The following CTDSP2 variants were observed in gnomAD, a reference collection of about 807,000 sequenced individuals.
CTDSP2 encodes the protein carboxy-terminal domain RNA polymerase II polypeptide A small phosphatase 2.
Under a neutral mutation model 31.6 loss-of-function variants are expected in CTDSP2, and 9 were observed. The observed-to-expected ratio is 0.28, with a 90% CI of 0.17 to 0.50. The LOEUF (loss-of-function observed/expected upper bound fraction) is 0.50, where lower values mean the gene tolerates loss of function less well. Ranked by LOEUF, CTDSP2 falls within the 20% of genes least tolerant of loss-of-function variation. CTDSP2 has a pLI of 0.98. For missense variants in CTDSP2, 267 were observed against 348.5 expected (o/e 0.77, Z 1.86); for synonymous variants, 134 against 134.5 (o/e 1.00, Z 0.03).
chr12:57,824,759 T>C (rs1565843897), intron 5 of CTDSP2: 8 of 501,828 alleles, frequency 1.6e-5, no homozygotes, highest in Non-Finnish European at 3.3e-5. Flanking sequence ...AGGTAATGAA[T>C]TGCACCAGGG....
Position 57,827,547 on chromosome 12 carries a change from CGTACCTGGTAGAACTG to C in CTDSP2, c.241_252+4del. 1 of 1,613,926 alleles carries C rather than the reference CGTACCTGGTAGAACTG, an allele frequency of 6.2e-7. No homozygotes were observed. The highest frequency in any genetic ancestry group is 8.5e-7 in the Non-Finnish European group (1 of 1,179,894). ...CTGAGTACTTACCAGGCCAGAGTCA[CGTACCTGGTAGAACTG>C]GTACTGGAGACACTGGAGCAGATCC... On this transcript the variant is annotated splice_donor_variant and splice_donor_region_variant and coding_sequence_variant and intron_variant, in exon 3 of 8. Coordinates refer to ENST00000398073, the MANE Select transcript of CTDSP2 (RefSeq NM_005730.4). LOFTEE classifies it high-confidence loss of function.
At chr12:57,840,944 A>G (rs1956279154) in intron 1 of CTDSP2, among the ~76,000 whole-genome samples, 1 of 152,200 alleles carries the variant, frequency 6.6e-6, no homozygotes, top group Admixed American at 6.5e-5. Flanking sequence ...TGGTGCAGGC[A>G]TACTCAGACC....
chr12:57,827,314 C>G, intron 3 of CTDSP2: 1 of 628,362 alleles, frequency 1.6e-6, no homozygotes. Flanking sequence ...AGGTGGTGGC[C>G]AGGGCAGGTG....
chr12:57,830,202 G>A (rs1956206467), intron 1 of CTDSP2, among the ~76,000 whole-genome samples: 1 of 152,092 alleles, frequency 6.6e-6, no homozygotes, highest in Admixed American at 6.6e-5. Context: ...TGGCTAACAC[G>A]GTGAAACCCT....
rs1427068310 is a variant in CTDSP2 at position 57,823,596 on chromosome 12, G to A, written c.*6C>T. ...TGGGATGGCCGTCGCTTGGAAGCAG[G>A]GCAGGCTAAGGGGCCCGCAGCTGCC... On this transcript the variant is annotated 3_prime_UTR_variant, in exon 8 of 8. Coordinates refer to ENST00000398073, the MANE Select transcript of CTDSP2 (RefSeq NM_005730.4). The A allele has an allele frequency of 1.2e-6, 2 of 1,613,542 alleles. No individual in the cohort carries two copies. Among genetic ancestry groups the A allele is most frequent in the Non-Finnish European group, 1.7e-6 (2 of 1,179,924 alleles).
At position 57,824,450 on chromosome 12, in the gene CTDSP2, T is replaced by C. The variant is rs1189937869; in HGVS notation, c.412-131A>G. ...AGCCCAGCCTCCTGGGCTACCTGGC[T>C]GGAAGCCTGCGGCCCCCTGAGACCC... On this transcript the variant is annotated intron_variant, in intron 5 of 7. Transcript: ENST00000398073. 7 of 744,522 alleles carry C rather than the reference T, an allele frequency of 9.4e-6. No individual in the cohort carries two copies. The African/African-American group carries it at 1.2e-4, about 13-fold the overall frequency. The allele number at this position is 744,522 out of a possible 1,614,324, so 46.1% of individuals were successfully genotyped here. A position where few individuals can be genotyped will look rare whatever the true frequency, so the allele number is the denominator to read the frequency against.
intron 1 of CTDSP2, among the ~76,000 whole-genome samples, chr12:57,837,672 C>T (rs913349381): frequency 2.6e-5 from 4 of 151,994 alleles, no homozygotes; most frequent in Admixed American, 2.6e-4. Flanking sequence ...GCCTGGGGGA[C>T]AGAGCAAAAC....
At chr12:57,827,828 G>A (rs192873279) in intron 2 of CTDSP2, among the ~76,000 whole-genome samples, 13 of 152,240 alleles carry the variant, frequency 8.5e-5, no homozygotes, top group Non-Finnish European at 1.5e-4. Flanking sequence ...CCCTGTTCTC[G>A]GCTGCCACTG....
Position 57,823,891 on chromosome 12 carries a change from C to G in CTDSP2, c.690+13G>C, listed in dbSNP as rs748413501. On this transcript the variant is annotated intron_variant, in intron 7 of 7. Transcript: ENST00000398073. ...CCCAATCCCTACCGTGGAGACGCATCAGGAGCACTCACTGCATTCTCGGGG... is the reference window on the plus strand; with the variant it reads ...CCCAATCCCTACCGTGGAGACGCATGAGGAGCACTCACTGCATTCTCGGGG... 2 of 1,613,752 alleles carry G rather than the reference C, an allele frequency of 1.2e-6. No individual in the cohort carries two copies. The highest frequency in any genetic ancestry group is 1.7e-6 in the Non-Finnish European group (2 of 1,179,872).
At position 57,823,438 on chromosome 12, in the gene CTDSP2, G is replaced by T; in HGVS notation, c.*164C>A. On this transcript the variant is annotated 3_prime_UTR_variant, in exon 8 of 8. Coordinates refer to ENST00000398073, the MANE Select transcript of CTDSP2 (RefSeq NM_005730.4). ...TCTGGGTATCATTGGTCTGGCATTCGCCCACTCGGCATCTAAGCTGTCCTA... is the reference window on the plus strand; with the variant it reads ...TCTGGGTATCATTGGTCTGGCATTCTCCCACTCGGCATCTAAGCTGTCCTA... 1.4e-6 allele frequency: 1 copy of T among 731,936 alleles called. No homozygotes were observed. The highest frequency in any genetic ancestry group is 2.2e-6 in the Non-Finnish European group (1 of 453,526). 45.3% of individuals were successfully genotyped at this position (731,936 alleles called of 1,614,324 possible). A position where few individuals can be genotyped will look rare whatever the true frequency, so the allele number is the denominator to read the frequency against.
At chr12:57,835,258 G>A (rs1446619858) in intron 1 of CTDSP2, among the ~76,000 whole-genome samples, 1 of 151,634 alleles carries the variant, frequency 6.6e-6, no homozygotes. Context: ...AACCCAGAAG[G>A]CGGAGGCTGC....
intron 1 of CTDSP2, among the ~76,000 whole-genome samples, chr12:57,843,067 A>T (rs1956292594): frequency 6.6e-6 from 1 of 152,208 alleles, no homozygotes; most frequent in South Asian, 2.1e-4. Flanking sequence ...CCAGGGCATC[A>T]TCGAGAGGAA....
intron 1 of CTDSP2, among the ~76,000 whole-genome samples, chr12:57,843,781 T>TTTTTTGTTTTTTGTTTG (rs1956296533): frequency 6.6e-6 from 1 of 152,192 alleles, no homozygotes; most frequent in African/African-American, 2.4e-5. Flanking sequence ...TTGTTTTTTG[T>TTTTTTGTTTTTTGTTTG]TTTGTTTTGA....
intron 1 of CTDSP2, among the ~76,000 whole-genome samples, chr12:57,836,795 G>A (rs1182204936): frequency 1.3e-5 from 2 of 152,202 alleles, no homozygotes; most frequent in African/African-American, 4.8e-5. Flanking sequence ...TTGTGTCCCA[G>A]CAAAGGAACT....
Position 57,823,297 on chromosome 12 carries a change from GCTTCTCCCCCACT to G in CTDSP2, c.*292_*304del. 2.5e-6 allele frequency: 1 copy of G among 397,914 alleles called. No homozygotes were observed. Among genetic ancestry groups the G allele is most frequent in the Non-Finnish European group, 4.7e-6 (1 of 211,376 alleles). 24.6% of individuals were successfully genotyped at this position (397,914 alleles called of 1,614,324 possible). A position where few individuals can be genotyped will look rare whatever the true frequency, so the allele number is the denominator to read the frequency against. ...ACTTGGGAAGAGTCTTGGTCTTTCAGCTTCTCCCCCACTGAAACACTATACACTGGGGCCACAG... is the reference window on the plus strand; with the variant it reads ...ACTTGGGAAGAGTCTTGGTCTTTCAGGAAACACTATACACTGGGGCCACAG... On this transcript the variant is annotated 3_prime_UTR_variant, in exon 8 of 8. Transcript: ENST00000398073.
intron 1 of CTDSP2, among the ~76,000 whole-genome samples, chr12:57,832,599 C>T (rs1217305532): frequency 6.6e-6 from 1 of 151,962 alleles, no homozygotes; most frequent in Admixed American, 6.6e-5. Context: ...CGAGACCAGC[C>T]TGGCCAACAT....
chr12:57,832,187 T>C (rs1158566402), intron 1 of CTDSP2, among the ~76,000 whole-genome samples: 1 of 152,232 alleles, frequency 6.6e-6, no homozygotes, highest in East Asian at 1.9e-4. Flanking sequence ...TTCCTTAACA[T>C]TGGTATGGCC....
At chr12:57,840,916 C>T (rs960837613) in intron 1 of CTDSP2, among the ~76,000 whole-genome samples, 4 of 152,118 alleles carry the variant, frequency 2.6e-5, no homozygotes, top group African/African-American at 9.7e-5. Context: ...CACTGGAGTA[C>T]CCTGTGATAA....
rs1400121293 is a variant in CTDSP2 at position 57,823,796 on chromosome 12, G to C, written c.691-69C>G. 3.7e-6 allele frequency: 6 copies of C among 1,610,480 alleles called. 1 individual carries two copies. Among genetic ancestry groups the C allele is most frequent in the Non-Finnish European group, 5.1e-6 (6 of 1,179,088 alleles). ...CCCCCTCCCTCGCCCCAGAGCCCTA[G>C]AGGGTGGCTGGGTCTTCCTGGAGGG... On this transcript the variant is annotated intron_variant, in intron 7 of 7. Coordinates refer to ENST00000398073, the MANE Select transcript of CTDSP2 (RefSeq NM_005730.4).
Sources: gnomAD v4.1 joint callset for allele counts (sites outside exome capture counted in the v4.1 genomes callset) on GRCh38, gnomAD v4.1.1 for gene constraint, MANE v1.5 for transcripts, NCBI Gene and HGNC (gene_info 2026-07-23, HGNC 2026-07-21) for gene names.